The following PTGER3 variants were observed in gnomAD, a reference collection of about 807,000 sequenced individuals.
PTGER3 encodes the protein prostaglandin E receptor 3.
A neutral mutation model predicts 34.7 loss-of-function variants in PTGER3; 22 were observed. That is an observed-to-expected ratio of 0.63 (90% CI 0.45 to 0.91). The LOEUF is 0.91. Among genes scored for constraint, PTGER3 ranks in the 40% least tolerant of loss-of-function variants. The pLI is 0.00. For synonymous variants in PTGER3, 241 were observed against 230.1 expected (o/e 1.05, Z -0.43); for missense variants, 468 against 519.4 (o/e 0.90, Z 0.96).
intron 4 of PTGER3, among the ~76,000 whole-genome samples, chr1:70,885,498 C>T (rs983934411): frequency 6.6e-6 from 1 of 151,870 alleles, no homozygotes; most frequent in Admixed American, 6.6e-5. Flanking sequence ...GCATACAAAA[C>T]AATATGGGTT....
chr1:71,044,447 A>C (rs1660583152), intron 1 of PTGER3, among the ~76,000 whole-genome samples: 1 of 151,420 alleles, frequency 6.6e-6, no homozygotes, highest in Non-Finnish European at 1.5e-5. Flanking sequence ...CTCAAAAAAA[A>C]AAAAAATTCT....
intron 4 of PTGER3, among the ~76,000 whole-genome samples, chr1:70,918,838 G>A (rs926976081): frequency 6.6e-6 from 1 of 151,802 alleles, no homozygotes; most frequent in East Asian, 1.9e-4. Flanking sequence ...TAATATATAG[G>A]TAGCTCTCCC....
intron 1 of PTGER3, among the ~76,000 whole-genome samples, chr1:71,015,621 G>A (rs1261649716): frequency 6.6e-6 from 1 of 152,168 alleles, no homozygotes; most frequent in East Asian, 1.9e-4. Flanking sequence ...TGGTCCCAGT[G>A]TTGATAAGTC....
intron 4 of PTGER3, among the ~76,000 whole-genome samples, chr1:70,898,198 T>C (rs1409166): frequency 0.39 from 58,835 of 151,954 alleles, 11,952 homozygotes; most frequent in East Asian, 0.63. Context: ...GGACTTCTCC[T>C]ACATCCCTGC....
At chr1:70,937,989 T>G (rs2100529870) in intron 4 of PTGER3, among the ~76,000 whole-genome samples, 1 of 152,304 alleles carries the variant, frequency 6.6e-6, no homozygotes, top group South Asian at 2.1e-4. Context: ...AAATATGACA[T>G]TTTGGAGTCA....
intron 2 of PTGER3, among the ~76,000 whole-genome samples, chr1:70,964,816 A>G (rs1652339166): frequency 6.6e-6 from 1 of 152,212 alleles, no homozygotes; most frequent in African/African-American, 2.4e-5. Flanking sequence ...TGATTGTTGC[A>G]TATCTTCTTT....
intron 4 of PTGER3, among the ~76,000 whole-genome samples, chr1:70,898,550 C>T (rs1367128616): frequency 2.0e-5 from 3 of 152,154 alleles, no homozygotes; most frequent in Admixed American, 2.0e-4. Flanking sequence ...ACTGTAACTG[C>T]ATCATGCAGA....
chr1:71,005,747 T>A (rs1320788651), intron 2 of PTGER3: 3 of 519,636 alleles, frequency 5.8e-6, no homozygotes, highest in Admixed American at 6.4e-5. Context: ...CAAGGACATT[T>A]GGCCCCATGC....
At chr1:71,045,365 T>C (rs980042558) in intron 1 of PTGER3, among the ~76,000 whole-genome samples, 5 of 152,176 alleles carry the variant, frequency 3.3e-5, no homozygotes, top group African/African-American at 1.2e-4. Context: ...TATTTTACCA[T>C]AATTAGGAAA....
chr1:70,884,615 C>G (rs1052583280), intron 4 of PTGER3, among the ~76,000 whole-genome samples: 1 of 152,158 alleles, frequency 6.6e-6, no homozygotes, highest in Non-Finnish European at 1.5e-5. Context: ...GAGCTGAAGA[C>G]CAAGCTAATG....
At chr1:71,045,067 T>G (rs922963570) in intron 1 of PTGER3, among the ~76,000 whole-genome samples, 1 of 152,210 alleles carries the variant, frequency 6.6e-6, no homozygotes, top group Non-Finnish European at 1.5e-5. Context: ...TAAGCCATAG[T>G]GATGACATCA....
At chr1:71,031,194 C>T (rs976874241) in intron 1 of PTGER3, among the ~76,000 whole-genome samples, 2 of 151,764 alleles carry the variant, frequency 1.3e-5, no homozygotes, top group Non-Finnish European at 2.9e-5. Flanking sequence ...TCAGTTTGCG[C>T]TCCACCAGTC....
chr1:71,012,044 C>T, intron 2 of PTGER3: 1 of 1,423,628 alleles, frequency 7.0e-7, no homozygotes, highest in Non-Finnish European at 9.1e-7. Context: ...GTTTGTGTTT[C>T]ACTACTTTTG....
At chr1:70,858,126 C>T (rs1299948678) in intron 4 of PTGER3, among the ~76,000 whole-genome samples, 2 of 151,744 alleles carry the variant, frequency 1.3e-5, no homozygotes, top group Admixed American at 1.3e-4. Context: ...CTCTATAGTT[C>T]ACATCTCAAT....
At chr1:70,927,332 C>T (rs111291096) in intron 4 of PTGER3, among the ~76,000 whole-genome samples, 1 of 151,992 alleles carries the variant, frequency 6.6e-6, no homozygotes, top group Non-Finnish European at 1.5e-5. Context: ...TGGTTGGAAC[C>T]TACAGATAGA....
intron 3 of PTGER3, 123 bp from the exon 4 acceptor site, chr1:70,971,856 A>T (rs1247955979): frequency 1.3e-5 from 8 of 629,340 alleles, no homozygotes; most frequent in Non-Finnish European, 2.1e-5. Flanking sequence ...CGTTTAAAAC[A>T]TTCTCTTTTG....
intron 4 of PTGER3, among the ~76,000 whole-genome samples, chr1:70,870,080 A>C (rs1301703273): frequency 6.6e-6 from 1 of 152,134 alleles, no homozygotes; most frequent in Non-Finnish European, 1.5e-5. Flanking sequence ...GCTTTTCTAC[A>C]TGTTCCCTGA....
At chr1:71,021,993 C>T (rs1382050838) in intron 1 of PTGER3, among the ~76,000 whole-genome samples, 3 of 151,792 alleles carry the variant, frequency 2.0e-5, no homozygotes, top group Non-Finnish European at 4.4e-5. Flanking sequence ...AAATGTTGCA[C>T]AGTATAATCC....
chr1:71,037,656 C>A (rs1659957816), intron 1 of PTGER3, among the ~76,000 whole-genome samples: 1 of 152,148 alleles, frequency 6.6e-6, no homozygotes, highest in Non-Finnish European at 1.5e-5. Flanking sequence ...TTTAGAGCTA[C>A]AGGAAGTGAG....
Sources: allele counts gnomAD v4.1 joint callset (sites outside exome capture counted in the v4.1 genomes callset), GRCh38; gene constraint gnomAD v4.1.1; transcripts MANE v1.5; gene names NCBI Gene and HGNC (gene_info 2026-07-23, HGNC 2026-07-21).